Variants in SEMA5A observed in about 807,000 individuals in gnomAD.
SEMA5A encodes the protein semaphorin-5A.
In SEMA5A, 55 loss-of-function variants were observed where a neutral mutation model predicts 135.5. The observed-to-expected ratio is 0.41, with a 90% CI of 0.33 to 0.51. The LOEUF (loss-of-function observed/expected upper bound fraction) is 0.51, where lower values mean the gene tolerates loss of function less well. Ranked by LOEUF, SEMA5A falls within the 20% of genes least tolerant of loss-of-function variation. The pLI is 0.37. For missense variants in SEMA5A, 1,290 were observed against 1,419.9 expected, an observed-to-expected ratio of 0.91 and a Z score of 1.47; for synonymous variants, 580 against 546.5, an observed-to-expected ratio of 1.06 and a Z score of -0.85.
At chr5:9,281,036 C>T (rs1242502547) in intron 5 of SEMA5A, among the ~76,000 whole-genome samples, 2 of 152,020 alleles carry the variant, frequency 1.3e-5, no homozygotes, top group African/African-American at 4.8e-5. Flanking sequence ...AGTTACAAAC[C>T]ATTATCATTC....
intron 5 of SEMA5A, among the ~76,000 whole-genome samples, chr5:9,297,869 C>A (rs189786179): frequency 6.6e-6 from 1 of 152,136 alleles, no homozygotes; most frequent in African/African-American, 2.4e-5. Context: ...CAGGTGTGAA[C>A]CACCATGCCT....
At chr5:9,452,385 T>A (rs754676345) in intron 1 of SEMA5A, among the ~76,000 whole-genome samples, 4 of 152,154 alleles carry the variant, frequency 2.6e-5, no homozygotes, top group African/African-American at 4.8e-5. Context: ...CCTAGCCCTG[T>A]CAACAGAAGT....
rs905745043 is a variant in SEMA5A at position 9,272,366 on chromosome 5, G to A, written c.271-34476C>T. On this transcript the variant is annotated intron_variant, in intron 5 of 22. Transcript: ENST00000382496. ...AAAAACATGCAGCAGCCCCAGTCAG[G>A]GACTTATAGATAAAACCCCCACCTC... Among the ~76,000 whole-genome samples the A allele has an allele frequency of 1.2e-4, 18 of 152,074 alleles. 1 individual carries two copies. Among genetic ancestry groups the A allele is most frequent in the African/African-American group, 3.6e-4 (15 of 41,426 alleles).
chr5:9,360,504 C>T (rs1395932638), intron 3 of SEMA5A, among the ~76,000 whole-genome samples: 1 of 152,106 alleles, frequency 6.6e-6, no homozygotes, highest in African/African-American at 2.4e-5. Context: ...TTATTAAGTC[C>T]AGTACCTTGC....
intron 16 of SEMA5A, among the ~76,000 whole-genome samples, chr5:9,105,126 A>G (rs1739843229): frequency 6.6e-6 from 1 of 152,230 alleles, no homozygotes; most frequent in Non-Finnish European, 1.5e-5. Context: ...GTGTCTGTCA[A>G]TCAGCTCCCC....
intron 1 of SEMA5A, among the ~76,000 whole-genome samples, chr5:9,472,170 C>A (rs1346756291): frequency 5.9e-5 from 9 of 152,298 alleles, no homozygotes; most frequent in African/African-American, 2.2e-4. Flanking sequence ...ATACACACAA[C>A]CAATCATGTT....
At chr5:9,313,132 T>C (rs1752219902) in intron 5 of SEMA5A, among the ~76,000 whole-genome samples, 1 of 152,042 alleles carries the variant, frequency 6.6e-6, no homozygotes, top group African/African-American at 2.4e-5. Flanking sequence ...TGTCACTAAG[T>C]AGGAAAAAAG....
chr5:9,308,157 A>G (rs1751959932), intron 5 of SEMA5A, among the ~76,000 whole-genome samples: 1 of 152,214 alleles, frequency 6.6e-6, no homozygotes, highest in South Asian at 2.1e-4. Context: ...AGTATTATCA[A>G]TCATAGTGGG....
intron 8 of SEMA5A, among the ~76,000 whole-genome samples, chr5:9,210,716 G>A (rs1043111930): frequency 6.6e-6 from 1 of 152,148 alleles, no homozygotes; most frequent in East Asian, 1.9e-4. Context: ...GCCTGTGTCA[G>A]GGGGCAAGTC....
intron 1 of SEMA5A, among the ~76,000 whole-genome samples, chr5:9,449,158 G>A (rs1341488471): frequency 6.6e-6 from 1 of 152,076 alleles, no homozygotes; most frequent in African/African-American, 2.4e-5. Context: ...CAAAGACATG[G>A]AATAAACATA....
At chr5:9,254,966 G>A (rs1748987217) in intron 5 of SEMA5A, among the ~76,000 whole-genome samples, 1 of 152,146 alleles carries the variant, frequency 6.6e-6, no homozygotes, top group Admixed American at 6.5e-5. Context: ...AGACAGAACA[G>A]TATAAGTACA....
chr5:9,251,420 A>G (rs1748779327), intron 5 of SEMA5A, among the ~76,000 whole-genome samples: 2 of 152,180 alleles, frequency 1.3e-5, no homozygotes, highest in Admixed American at 1.3e-4. Flanking sequence ...CAACTTTAGA[A>G]TTCACACTAA....
intron 3 of SEMA5A, among the ~76,000 whole-genome samples, chr5:9,353,419 GGAAA>G (rs1196370407): frequency 3.1e-5 from 4 of 127,180 alleles, no homozygotes; most frequent in African/African-American, 1.1e-4. Flanking sequence ...AGGAAAGGAA[GGAAA>G]GAAAGACAAT....
At chr5:9,405,171 C>T (rs1756826149) in intron 2 of SEMA5A, among the ~76,000 whole-genome samples, 1 of 152,064 alleles carries the variant, frequency 6.6e-6, no homozygotes, top group African/African-American at 2.4e-5. Context: ...TTGAAAACAC[C>T]CACATGTTAC....
chr5:9,320,654 G>A (rs963161453), intron 4 of SEMA5A, among the ~76,000 whole-genome samples: 10 of 152,202 alleles, frequency 6.6e-5, no homozygotes, highest in Non-Finnish European at 1.5e-4. Flanking sequence ...GGAGGTCAAG[G>A]CTCCAGTGAG....
intron 1 of SEMA5A, among the ~76,000 whole-genome samples, chr5:9,508,450 G>A (rs576897583): frequency 6.6e-6 from 1 of 152,110 alleles, no homozygotes; most frequent in Non-Finnish European, 1.5e-5. Context: ...CATTCTCCAC[G>A]TTGCAGAAGG....
chr5:9,451,400 T>C (rs1758639849), intron 1 of SEMA5A, among the ~76,000 whole-genome samples: 1 of 152,192 alleles, frequency 6.6e-6, no homozygotes, highest in African/African-American at 2.4e-5. Flanking sequence ...CCTTGCCCTA[T>C]GTGCCCTTTA....
intron 1 of SEMA5A, among the ~76,000 whole-genome samples, chr5:9,532,440 C>CTTTTTTTTTTTTTTT (rs4045370): frequency 8.0e-6 from 1 of 125,146 alleles, no homozygotes; most frequent in Non-Finnish European, 1.6e-5. Flanking sequence ...TAATTTTTTT[C>CTTTTTTTTTTTTTTT]TTTTTTTTTT....
chr5:9,288,795 C>A (rs1750925702), intron 5 of SEMA5A, among the ~76,000 whole-genome samples: 1 of 152,048 alleles, frequency 6.6e-6, no homozygotes, highest in Non-Finnish European at 1.5e-5. Context: ...TAAGATTAAG[C>A]CCACAGTAGC....
Sources: allele counts gnomAD v4.1 joint callset (sites outside exome capture counted in the v4.1 genomes callset), GRCh38; gene constraint gnomAD v4.1.1; transcripts MANE v1.5; gene names NCBI Gene and HGNC (gene_info 2026-07-23, HGNC 2026-07-21).